The following GDPD4 variants were observed in gnomAD, a reference collection of about 807,000 sequenced individuals.
GDPD4 encodes glycerophosphodiester phosphodiesterase 6.
In GDPD4, 60 loss-of-function variants were observed where a neutral mutation model predicts 67.8. The ratio of observed to expected loss-of-function variants is 0.88; its 90% CI spans 0.72 to 1.10. The LOEUF is 1.10. GDPD4 is among the 50% of genes least tolerant of loss of function. GDPD4 has a pLI of 0.00. For missense variants in GDPD4, 623 were observed against 613.9 expected (o/e 1.01, Z -0.16); for synonymous variants, 212 against 210.9 (o/e 1.00, Z -0.04).
chr11:77,217,883 C>T (rs1028606528), intron 16 of GDPD4, among the ~76,000 whole-genome samples: 4 of 152,110 alleles, frequency 2.6e-5, no homozygotes, highest in South Asian at 2.1e-4. Flanking sequence ...ATTATCTATG[C>T]GTTTACAATA....
At chr11:77,233,327 C>A (rs1460555408) in intron 13 of GDPD4, among the ~76,000 whole-genome samples, 155 bp from the exon 14 acceptor site, 1 of 151,614 alleles carries the variant, frequency 6.6e-6, no homozygotes, top group African/African-American at 2.4e-5. Context: ...ACAGAATGGG[C>A]TCATAGTACA....
intron 1 of GDPD4, among the ~76,000 whole-genome samples, chr11:77,299,070 T>C (rs1938075394): frequency 6.6e-6 from 1 of 151,872 alleles, no homozygotes. Flanking sequence ...CACACTGGCC[T>C]CATATGAAAA....
At chr11:77,223,134 T>A (rs950794680) in intron 16 of GDPD4, among the ~76,000 whole-genome samples, 1 of 152,188 alleles carries the variant, frequency 6.6e-6, no homozygotes, top group African/African-American at 2.4e-5. Flanking sequence ...TTTTGAAGGT[T>A]TTTAGCTTCC....
intron 1 of GDPD4, among the ~76,000 whole-genome samples, chr11:77,294,187 T>C (rs941747269): frequency 1.3e-5 from 2 of 152,176 alleles, no homozygotes; most frequent in African/African-American, 4.8e-5. Context: ...GAAGTTTAGT[T>C]ACCAGTAATG....
intron 13 of GDPD4, among the ~76,000 whole-genome samples, chr11:77,237,841 A>G (rs1472239221): frequency 6.6e-6 from 1 of 152,220 alleles, no homozygotes; most frequent in Non-Finnish European, 1.5e-5. Flanking sequence ...GCTGGGCGCA[A>G]TGGCTCATGC....
At chr11:77,220,510 T>C (rs1331362727) in intron 16 of GDPD4, among the ~76,000 whole-genome samples, 2 of 152,236 alleles carry the variant, frequency 1.3e-5, no homozygotes, top group Non-Finnish European at 2.9e-5. Context: ...ATTACATTTA[T>C]TGATTTGCAT....
intron 10 of GDPD4, among the ~76,000 whole-genome samples, chr11:77,261,246 T>C (rs1393291170): frequency 6.6e-6 from 1 of 152,114 alleles, no homozygotes; most frequent in Non-Finnish European, 1.5e-5. Context: ...AACATCTTTT[T>C]TTTTTTTTGG....
At chr11:77,255,436 C>T (rs570153244) in intron 11 of GDPD4, among the ~76,000 whole-genome samples, 7 of 151,608 alleles carry the variant, frequency 4.6e-5, no homozygotes, top group South Asian at 4.2e-4. Context: ...TGGTGGCGGG[C>T]GCCTGTAGTC....
At position 77,259,223 on chromosome 11, in the gene GDPD4, G is replaced by A. The variant is rs556834121; in HGVS notation, c.708-681C>T. Among the ~76,000 whole-genome samples, 20 of 152,042 alleles carry A rather than the reference G, an allele frequency of 1.3e-4. No homozygotes were observed. The East Asian group carries it at 2.9e-3, about 22-fold the overall frequency. On this transcript the variant is annotated intron_variant, in intron 10 of 16. Transcript: ENST00000315938. ...TCGAACTCCTGGCCTCAAGTGATCC[G>A]CCCACCTCAGCCTCCCAAAGTGCTG...
intron 16 of GDPD4, among the ~76,000 whole-genome samples, chr11:77,226,559 T>C (rs1365662360): frequency 6.6e-6 from 1 of 152,190 alleles, no homozygotes; most frequent in African/African-American, 2.4e-5. Flanking sequence ...TGATCTGGGA[T>C]TTCTAGCCTC....
At chr11:77,292,041 ATTAT>A (rs1646780538) in intron 1 of GDPD4, among the ~76,000 whole-genome samples, 1 of 152,040 alleles carries the variant, frequency 6.6e-6, no homozygotes, top group African/African-American at 2.4e-5. Context: ...AAAAATTATT[ATTAT>A]TATTATTCAT....
intron 10 of GDPD4, among the ~76,000 whole-genome samples, chr11:77,262,605 C>T (rs370343424): frequency 1.3e-5 from 2 of 151,950 alleles, no homozygotes; most frequent in African/African-American, 2.4e-5. Context: ...TCCCATATTC[C>T]GGTAAAACAG....
At chr11:77,291,604 G>C (rs779327383) in intron 1 of GDPD4, among the ~76,000 whole-genome samples, 12 of 152,158 alleles carry the variant, frequency 7.9e-5, no homozygotes, top group Non-Finnish European at 1.3e-4. Flanking sequence ...TTCTATGCAT[G>C]TATCAAAATA....
intron 13 of GDPD4, among the ~76,000 whole-genome samples, chr11:77,236,197 C>A (rs925545131): frequency 6.7e-6 from 1 of 149,876 alleles, no homozygotes; most frequent in Admixed American, 6.6e-5. Context: ...CCCTTTTTTT[C>A]TTGTTATTAA....
Position 77,268,686 on chromosome 11 carries a change from C to T in GDPD4, c.625-147G>A, listed in dbSNP as rs1001975106. On this transcript the variant is annotated intron_variant, in intron 9 of 16. Coordinates refer to ENST00000315938, the MANE Select transcript of GDPD4 (RefSeq NM_182833.3). The stretch of plus-strand genomic sequence containing the variant: ...TTTCAAAACCTGTATACCCTCCGTC[C>T]AAGCTGATTCTGGGACTCTGCTCAT... 9 of 754,576 alleles carry T rather than the reference C, an allele frequency of 1.2e-5. No individual in the cohort carries two copies. In the African/African-American group the frequency reaches 1.4e-4, roughly 12 times the overall value. 46.7% of individuals were successfully genotyped at this position (754,576 alleles called of 1,614,324 possible). A position where few individuals can be genotyped will look rare whatever the true frequency, so the allele number is the denominator to read the frequency against.
intron 13 of GDPD4, among the ~76,000 whole-genome samples, chr11:77,240,319 C>T (rs1958638280): frequency 6.6e-6 from 1 of 151,978 alleles, no homozygotes; most frequent in Non-Finnish European, 1.5e-5. Context: ...AATAGAGAGC[C>T]CAGATGTAAA....
chr11:77,269,381 AG>A (rs1029590135), intron 8 of GDPD4, among the ~76,000 whole-genome samples: 35 of 152,320 alleles, frequency 2.3e-4, no homozygotes, highest in African/African-American at 7.9e-4. Context: ...GTCAAGGAGC[AG>A]CTTCTCAGGA....
intron 3 of GDPD4, among the ~76,000 whole-genome samples, chr11:77,281,771 T>TG (rs1394655843): frequency 1.3e-5 from 2 of 152,232 alleles, no homozygotes; most frequent in East Asian, 3.9e-4. Flanking sequence ...TTGTGACTTG[T>TG]GGGGGAAGGA....
At chr11:77,251,075 T>C (rs545465068) in intron 11 of GDPD4, among the ~76,000 whole-genome samples, 2 of 152,202 alleles carry the variant, frequency 1.3e-5, no homozygotes, top group Non-Finnish European at 2.9e-5. Context: ...CAGCATATAG[T>C]TGAGTCATTT....
Sources: allele counts gnomAD v4.1 joint callset (sites outside exome capture counted in the v4.1 genomes callset), GRCh38; gene constraint gnomAD v4.1.1; transcripts MANE v1.5; gene names NCBI Gene and HGNC (gene_info 2026-07-23, HGNC 2026-07-21).